The following IGF2BP3 variants were observed in gnomAD, a reference collection of about 807,000 sequenced individuals.
IGF2BP3 encodes the protein insulin-like growth factor 2 mRNA-binding protein 3.
IGF2BP3 carries 9 observed loss-of-function variants against 73.8 expected under a neutral mutation model. The ratio of observed to expected loss-of-function variants is 0.12; its 90% CI spans 0.07 to 0.21. IGF2BP3 has a LOEUF of 0.21. Ranked by LOEUF, IGF2BP3 falls within the 10% of genes least tolerant of loss-of-function variation. IGF2BP3 has a pLI of 1.00. For missense variants in IGF2BP3, 542 were observed against 714.0 expected, an observed-to-expected ratio of 0.76 and a Z score of 2.75; for synonymous variants, 258 against 256.7, an observed-to-expected ratio of 1.01 and a Z score of -0.05.
intron 2 of IGF2BP3, among the ~76,000 whole-genome samples, chr7:23,459,076 A>C (rs1327365438): frequency 6.6e-6 from 1 of 152,210 alleles, no homozygotes; most frequent in Non-Finnish European, 1.5e-5. Context: ...TCTCATTTTT[A>C]TTAGTTTTCC....
intron 2 of IGF2BP3, among the ~76,000 whole-genome samples, chr7:23,465,014 A>G (rs530623569): frequency 2.7e-4 from 41 of 152,342 alleles, no homozygotes; most frequent in African/African-American, 9.1e-4. Flanking sequence ...AAATTGAACT[A>G]AAACCACCAT....
At chr7:23,346,598 C>CT (rs777167775) in intron 7 of IGF2BP3, among the ~76,000 whole-genome samples, 11,536 of 132,558 alleles carry the variant, frequency 0.087, 496 homozygotes, top group Middle Eastern at 0.14. Context: ...CTTTTTCTTT[C>CT]TTTTTTTTTT....
intron 3 of IGF2BP3, 48 bp downstream of exon 3, chr7:23,418,728 A>G (rs1009339965): frequency 5.8e-6 from 7 of 1,213,932 alleles, no homozygotes; most frequent in Admixed American, 4.1e-5. Flanking sequence ...AACTAACAGC[A>G]ATAGGCTTCC....
chr7:23,385,866 C>A (rs188821001), intron 3 of IGF2BP3, among the ~76,000 whole-genome samples: 111 of 152,252 alleles, frequency 7.3e-4, no homozygotes, highest in African/African-American at 2.5e-3. Flanking sequence ...GCCACCACAT[C>A]CAGCCTATTT....
intron 2 of IGF2BP3, among the ~76,000 whole-genome samples, chr7:23,429,983 GC>G (rs1787626186): frequency 6.6e-6 from 1 of 152,074 alleles, no homozygotes; most frequent in South Asian, 2.1e-4. Context: ...GGGAATCACT[GC>G]TTCCCTGCTT....
chr7:23,317,757 C>G lies in IGF2BP3; in HGVS notation c.1321-44G>C, dbSNP rs781299789. ...CAAGTTATGATACTTTCAGGTATCA[C>G]TGATAGGCATCTTGGGCCAACCAGC... On this transcript the variant is annotated intron_variant, in intron 11 of 14. Coordinates refer to ENST00000258729, the MANE Select transcript of IGF2BP3 (RefSeq NM_006547.3). The G allele has an allele frequency of 2.0e-6, 3 of 1,491,058 alleles. No individual in the cohort carries two copies. The African/African-American group carries it at 4.1e-5, about 20-fold the overall frequency. 92.4% of individuals were successfully genotyped at this position (1,491,058 alleles called of 1,614,324 possible).
chr7:23,331,417 C>G (rs1218073448), intron 10 of IGF2BP3, among the ~76,000 whole-genome samples: 1 of 152,138 alleles, frequency 6.6e-6, no homozygotes, highest in East Asian at 1.9e-4. Context: ...AGCTAAATAA[C>G]TGTCAGGTGA....
intron 3 of IGF2BP3, among the ~76,000 whole-genome samples, chr7:23,373,082 C>T (rs553134437): frequency 6.6e-6 from 1 of 152,268 alleles, no homozygotes; most frequent in African/African-American, 2.4e-5. Flanking sequence ...CCTTACTCGG[C>T]CATTACCTGC....
intron 2 of IGF2BP3, among the ~76,000 whole-genome samples, chr7:23,442,694 A>G (rs1051248620): frequency 1.3e-5 from 2 of 152,164 alleles, no homozygotes; most frequent in African/African-American, 4.8e-5. Flanking sequence ...TACCGAGCCC[A>G]GTCTGTTTTT....
chr7:23,326,574 C>T (rs1430907033), intron 10 of IGF2BP3, among the ~76,000 whole-genome samples: 1 of 151,860 alleles, frequency 6.6e-6, no homozygotes, highest in Non-Finnish European at 1.5e-5. Context: ...TGGGTATATA[C>T]CCAAAGGACT....
chr7:23,319,125 G>A lies in IGF2BP3; in HGVS notation c.1320+13C>T, dbSNP rs1171765105. The A allele has an allele frequency of 4.6e-6, 7 of 1,534,108 alleles. No homozygotes were observed. The highest frequency in any genetic ancestry group is 2.3e-5 in the South Asian group (2 of 87,614). ...CTTAAAGAACCAGAGAACCACAGCT[G>A]GTAGAACAGTACCTTAATTGAAGCT... is the stretch of plus-strand genomic sequence containing the variant. On this transcript the variant is annotated intron_variant, in intron 11 of 14. Coordinates refer to ENST00000258729, the MANE Select transcript of IGF2BP3 (RefSeq NM_006547.3).
At chr7:23,358,842 T>G (rs1334570100) in intron 5 of IGF2BP3, among the ~76,000 whole-genome samples, 1 of 152,228 alleles carries the variant, frequency 6.6e-6, no homozygotes, top group African/African-American at 2.4e-5. Flanking sequence ...ATTTTCTCAA[T>G]CTTTGAATTC....
intron 2 of IGF2BP3, among the ~76,000 whole-genome samples, chr7:23,463,114 T>C (rs563623484): frequency 1.8e-4 from 27 of 152,322 alleles, no homozygotes; most frequent in African/African-American, 6.0e-4. Context: ...CAGCTAACCA[T>C]CTCGTCTTTC....
chr7:23,446,568 A>C (rs1386442502), intron 2 of IGF2BP3, among the ~76,000 whole-genome samples: 1 of 152,166 alleles, frequency 6.6e-6, no homozygotes, highest in Non-Finnish European at 1.5e-5. Flanking sequence ...AACAAAATAA[A>C]AAACAAATAA....
chr7:23,417,914 T>C (rs1406974976), intron 3 of IGF2BP3, among the ~76,000 whole-genome samples: 1 of 152,202 alleles, frequency 6.6e-6, no homozygotes, highest in Non-Finnish European at 1.5e-5. Flanking sequence ...ATCTCAATAA[T>C]ACTGTTCTGA....
intron 3 of IGF2BP3, among the ~76,000 whole-genome samples, chr7:23,402,009 C>T (rs1261324081): frequency 4.0e-5 from 6 of 149,690 alleles, no homozygotes; most frequent in African/African-American, 1.2e-4. Context: ...CCCAGCTACT[C>T]GGGAGGCTGA....
intron 2 of IGF2BP3, among the ~76,000 whole-genome samples, chr7:23,450,946 T>C (rs1788182251): frequency 6.6e-6 from 1 of 152,228 alleles, no homozygotes; most frequent in Non-Finnish European, 1.5e-5. Context: ...AAAGAATATC[T>C]GTAATTATTT....
At chr7:23,378,329 C>A (rs10227621) in intron 3 of IGF2BP3, among the ~76,000 whole-genome samples, 1 of 145,606 alleles carries the variant, frequency 6.9e-6, no homozygotes, top group African/African-American at 2.7e-5. Flanking sequence ...AATATCAAAT[C>A]TGAATTACAC....
intron 2 of IGF2BP3, among the ~76,000 whole-genome samples, chr7:23,431,519 G>A (rs542830363): frequency 6.6e-6 from 1 of 151,984 alleles, no homozygotes; most frequent in South Asian, 2.1e-4. Flanking sequence ...CCCTATGAAA[G>A]ATGGCATTGC....
Sources: gnomAD v4.1 joint callset for allele counts (sites outside exome capture counted in the v4.1 genomes callset) on GRCh38, gnomAD v4.1.1 for gene constraint, MANE v1.5 for transcripts, NCBI Gene and HGNC (gene_info 2026-07-23, HGNC 2026-07-21) for gene names.